The following LHFPL3 variants were observed in gnomAD, a reference collection of about 807,000 sequenced individuals.
LHFPL3 encodes the protein LHFPL tetraspan subfamily member 3 protein.
Under a neutral mutation model 19.3 loss-of-function variants are expected in LHFPL3, and 5 were observed. The observed-to-expected ratio is 0.26, with a 90% confidence interval of 0.14 to 0.54. LHFPL3 has a LOEUF of 0.54. LHFPL3 is among the 20% of genes least tolerant of loss of function. The pLI, the probability that LHFPL3 is intolerant of heterozygous loss-of-function variation, is 0.94. For synonymous variants in LHFPL3, 133 were observed against 126.2 expected, an observed-to-expected ratio of 1.05 and a Z score of -0.36; for missense variants, 249 against 307.4, an observed-to-expected ratio of 0.81 and a Z score of 1.42.
chr7:104,390,650 G>A (rs1354447038), intron 1 of LHFPL3, among the ~76,000 whole-genome samples: 1 of 152,200 alleles, frequency 6.6e-6, no homozygotes, highest in Non-Finnish European at 1.5e-5. Context: ...ACATATGTGT[G>A]CATGTGTCTT....
intron 1 of LHFPL3, chr7:104,668,256 G>A (rs1373077923): frequency 1.4e-5 from 23 of 1,611,388 alleles, no homozygotes; most frequent in South Asian, 2.2e-5. Context: ...TCGAGTGGAC[G>A]TTGCTGATCA....
chr7:104,368,160 A>T, intron 1 of LHFPL3, among the ~76,000 whole-genome samples: 1 of 152,218 alleles, frequency 6.6e-6, no homozygotes, highest in Non-Finnish European at 1.5e-5. Flanking sequence ...GAAATTCAGG[A>T]GGGCTGAATT....
At chr7:104,721,365 A>C (rs1793488412) in intron 1 of LHFPL3, among the ~76,000 whole-genome samples, 1 of 152,154 alleles carries the variant, frequency 6.6e-6, no homozygotes, top group South Asian at 2.1e-4. Context: ...AGGGCAGGGA[A>C]TATCACACAC....
chr7:104,667,626 C>T lies in LHFPL3; in HGVS notation c.446-69049C>T, dbSNP rs1335265242. 4.2e-6 allele frequency: 3 copies of T among 714,124 alleles called. No homozygotes were observed. The East Asian group carries it at 8.0e-5, about 19-fold the overall frequency. 44.2% of individuals were successfully genotyped at this position (714,124 alleles called of 1,614,324 possible). A position where few individuals can be genotyped will look rare whatever the true frequency, so the allele number is the denominator to read the frequency against. On this transcript the variant is annotated intron_variant, in intron 1 of 2. Transcript: ENST00000424859. ...TAATATTTGTTATCCATTTAGTGTA[C>T]AACATTGAACTTGAAACAGCCAAGG...
At chr7:104,692,230 TA>T (rs1204776204) in intron 1 of LHFPL3, among the ~76,000 whole-genome samples, 1 of 152,180 alleles carries the variant, frequency 6.6e-6, no homozygotes, top group Non-Finnish European at 1.5e-5. Flanking sequence ...AAGCAGAGCA[TA>T]AAAGTTCAGA....
intron 1 of LHFPL3, among the ~76,000 whole-genome samples, chr7:104,436,962 C>T (rs1792119689): frequency 6.6e-6 from 1 of 152,116 alleles, no homozygotes; most frequent in South Asian, 2.1e-4. Flanking sequence ...ATGGAAATAT[C>T]TCCATATGTT....
chr7:104,545,967 A>G (rs578154296), intron 1 of LHFPL3, among the ~76,000 whole-genome samples: 1 of 152,302 alleles, frequency 6.6e-6, no homozygotes, highest in African/African-American at 2.4e-5. Flanking sequence ...ATATGTCCAG[A>G]CACTAAAATT....
rs114635073 is a variant in LHFPL3, at chr7:104,781,841, C to T, written c.682+44930C>T. Among the ~76,000 whole-genome samples the T allele has an allele frequency of 2.0e-3, 306 of 152,294 alleles. 2 individuals are homozygous for T. Among genetic ancestry groups the T allele is most frequent in the African/African-American group, 7.0e-3 (292 of 41,570 alleles). On this transcript the variant is annotated intron_variant, in intron 2 of 2. Transcript: ENST00000424859. ...CTCCTTTCTTTTGGCTTCCATGACA[C>T]CACACTCTCCTTGTTTTCCTCCTTA... is the stretch of plus-strand genomic sequence containing the variant.
chr7:104,705,968 C>A (rs953815470), intron 1 of LHFPL3, among the ~76,000 whole-genome samples: 5 of 152,178 alleles, frequency 3.3e-5, no homozygotes, highest in African/African-American at 1.2e-4. Flanking sequence ...TCTCGTCCCT[C>A]TTCCCCAACA....
intron 1 of LHFPL3, among the ~76,000 whole-genome samples, chr7:104,594,436 GT>G (rs1790796272): frequency 6.6e-6 from 1 of 152,212 alleles, no homozygotes; most frequent in African/African-American, 2.4e-5. Context: ...CCCTCTGTGG[GT>G]AACTCAACCT....
At chr7:104,651,191 G>A (rs1792028476) in intron 1 of LHFPL3, among the ~76,000 whole-genome samples, 1 of 152,188 alleles carries the variant, frequency 6.6e-6, no homozygotes, top group Admixed American at 6.5e-5. Flanking sequence ...GAACCACACT[G>A]AGAAGCACTT....
intron 1 of LHFPL3, among the ~76,000 whole-genome samples, chr7:104,509,519 A>G (rs1203949498): frequency 6.6e-6 from 1 of 152,128 alleles, no homozygotes; most frequent in East Asian, 1.9e-4. Flanking sequence ...AAAGCATTTG[A>G]TAAAAGTCAA....
At chr7:104,824,785 C>T (rs1260052284) in intron 2 of LHFPL3, among the ~76,000 whole-genome samples, 4 of 111,030 alleles carry the variant, frequency 3.6e-5, no homozygotes, top group African/African-American at 1.4e-4. Context: ...TTATATATTT[C>T]AAACTTCTCT....
At chr7:104,384,018 C>G (rs1441727874) in intron 1 of LHFPL3, among the ~76,000 whole-genome samples, 1 of 152,108 alleles carries the variant, frequency 6.6e-6, no homozygotes, top group Non-Finnish European at 1.5e-5. Context: ...TTACCTTTTC[C>G]ACCTGCAACC....
chr7:104,784,863 T>C (rs34911344), intron 2 of LHFPL3, among the ~76,000 whole-genome samples: 12,869 of 152,210 alleles, frequency 0.085, 795 homozygotes, highest in Non-Finnish European at 0.12. Flanking sequence ...GGATCTAAAG[T>C]TGTCAAACTC....
chr7:104,574,953 A>C (rs538508356), intron 1 of LHFPL3, among the ~76,000 whole-genome samples: 3 of 152,338 alleles, frequency 2.0e-5, no homozygotes, highest in Non-Finnish European at 4.4e-5. Flanking sequence ...TACCCTGTAC[A>C]TTTTAAGTAA....
At chr7:104,441,879 C>T (rs1206441922) in intron 1 of LHFPL3, among the ~76,000 whole-genome samples, 5 of 152,050 alleles carry the variant, frequency 3.3e-5, no homozygotes, top group Admixed American at 2.0e-4. Flanking sequence ...TGGCTGAGAA[C>T]CCAATTTTAA....
intron 1 of LHFPL3, among the ~76,000 whole-genome samples, chr7:104,527,322 C>T (rs994219594): frequency 1.3e-5 from 2 of 151,992 alleles, no homozygotes; most frequent in African/African-American, 4.8e-5. Context: ...TCTATAAGAT[C>T]GCCCAGGTTT....
chr7:104,688,123 G>A (rs576641488), intron 1 of LHFPL3, among the ~76,000 whole-genome samples: 1 of 152,314 alleles, frequency 6.6e-6, no homozygotes, highest in Admixed American at 6.5e-5. Flanking sequence ...GAGGCAAGGA[G>A]TTTAGTGGTT....
Sources: gnomAD v4.1 joint callset for allele counts (sites outside exome capture counted in the v4.1 genomes callset) on GRCh38, gnomAD v4.1.1 for gene constraint, MANE v1.5 for transcripts, NCBI Gene and HGNC (gene_info 2026-07-23, HGNC 2026-07-21) for gene names.